The following ZNF695 variants were observed in gnomAD, a reference collection of about 807,000 sequenced individuals.
ZNF695 encodes the protein zinc finger protein 695, also known as zinc finger protein SBZF3.
In ZNF695, 11 loss-of-function variants were observed where a neutral mutation model predicts 11.2. The ratio of observed to expected loss-of-function variants is 0.98; its 90% CI spans 0.62 to 1.62. The LOEUF (loss-of-function observed/expected upper bound fraction) is 1.62, where lower values mean the gene tolerates loss of function less well. Ranked by LOEUF, ZNF695 falls within the 40% of genes most tolerant of loss-of-function variation. ZNF695 has a pLI of 0.00. For missense variants in ZNF695, 559 were observed against 590.5 expected (o/e 0.95, Z 0.55); for synonymous variants, 190 against 201.4 (o/e 0.94, Z 0.48).
intron 4 of ZNF695, among the ~76,000 whole-genome samples, chr1:246,975,719 A>G (rs1174198943): frequency 6.6e-6 from 1 of 152,206 alleles, no homozygotes; most frequent in Non-Finnish European, 1.5e-5. Flanking sequence ...CATTGACAGT[A>G]AGGAGTAAGC....
In ZNF695 at chr1:246,999,405, G is replaced by T; in HGVS notation, c.202C>A (p.Leu68Met). 6.2e-7 allele frequency: 1 copy of T among 1,614,010 alleles called. No homozygotes were observed. The change falls in exon 3 of 4, where the codon CTG (leucine) becomes ATG (methionine). Residue 68 changes from leucine (L) to methionine (M), a missense_variant. Transcript: ENST00000339986. ...AMSKPELIIC[L>M]EARKEPWNVN... ...TTCCAGGGCTCTTTCCTTGCCTCCA[G>T]ACAGATGATCAGTTCTGGCTTAGAC...
chr1:246,989,957 C>T (rs866117471), intron 3 of ZNF695, among the ~76,000 whole-genome samples: 36 of 151,922 alleles, frequency 2.4e-4, no homozygotes, highest in African/African-American at 8.0e-4. Flanking sequence ...GCCAAGATTG[C>T]ACCACTGCAC....
At chr1:247,004,908 T>C (rs1426711392) in intron 1 of ZNF695, among the ~76,000 whole-genome samples, 1 of 152,078 alleles carries the variant, frequency 6.6e-6, no homozygotes, top group African/African-American at 2.4e-5. Flanking sequence ...CTATAAACCA[T>C]TGATGAAAGA....
intron 1 of ZNF695, 145 bp downstream of exon 1, chr1:247,007,761 G>T: frequency 1.1e-6 from 1 of 914,072 alleles, no homozygotes; most frequent in Non-Finnish European, 1.5e-6. Flanking sequence ...GGGACTGAGG[G>T]CCGAGCTGCG....
chr1:246,989,445 G>A (rs1022102995), intron 3 of ZNF695, among the ~76,000 whole-genome samples: 9 of 152,012 alleles, frequency 5.9e-5, no homozygotes, highest in African/African-American at 2.2e-4. Context: ...TTCTTATCAC[G>A]TTAAAATACA....
chr1:247,007,494 CAAAAA>C (rs34758795), intron 1 of ZNF695, among the ~76,000 whole-genome samples: 2 of 79,466 alleles, frequency 2.5e-5, no homozygotes, highest in Non-Finnish European at 4.7e-5. Context: ...GACTCCGTCT[CAAAAA>C]AAAAAAAAAA....
At chr1:246,974,153 CAAACAAACAAA>C (rs1668498176) in intron 4 of ZNF695, among the ~76,000 whole-genome samples, 2 of 143,458 alleles carry the variant, frequency 1.4e-5, no homozygotes, top group African/African-American at 5.4e-5. Flanking sequence ...AAAAAACAAA[CAAACAAACAAA>C]AAAAAACAAA....
intron 5 of ZNF695, among the ~76,000 whole-genome samples, chr1:246,964,727 C>T (rs1668243787): frequency 6.6e-6 from 1 of 152,036 alleles, no homozygotes; most frequent in South Asian, 2.1e-4. Context: ...AAAAATTATC[C>T]GGGCATGGTG....
intron 3 of ZNF695, among the ~76,000 whole-genome samples, chr1:246,997,511 A>G (rs1482292191): frequency 2.0e-5 from 3 of 152,094 alleles, no homozygotes. Flanking sequence ...TCAAGAAAAA[A>G]AAAAAAGAAA....
At chr1:246,965,949 A>T (rs1035762270) in intron 5 of ZNF695, among the ~76,000 whole-genome samples, 2 of 150,692 alleles carry the variant, frequency 1.3e-5, no homozygotes, top group African/African-American at 4.8e-5. Flanking sequence ...ATATATATAT[A>T]TTTTATATAT....
intron 1 of ZNF695, 72 bp downstream of exon 1, chr1:247,007,834 G>C (rs1669586514): frequency 6.8e-7 from 1 of 1,467,274 alleles, no homozygotes; most frequent in Admixed American, 2.1e-5. Flanking sequence ...CGCCAGCGCT[G>C]GTTCCAGCCA....
At chr1:246,960,423 T>C (rs1251176628) in intron 5 of ZNF695, among the ~76,000 whole-genome samples, 1 of 152,210 alleles carries the variant, frequency 6.6e-6, no homozygotes, top group Non-Finnish European at 1.5e-5. Context: ...TCCAATGCTG[T>C]TTGTCATATA....
downstream of ZNF695, among the ~76,000 whole-genome samples, chr1:246,983,411 C>T (rs1668764837): frequency 6.6e-6 from 1 of 152,036 alleles, no homozygotes; most frequent in Non-Finnish European, 1.5e-5. Context: ...CTCCTAGCTA[C>T]CCAGGGAGCT....
rs74463453 is a variant in ZNF695, at chr1:246,960,154, G to A, written c.488+7541C>T. Among the ~76,000 whole-genome samples the A allele has an allele frequency of 3.7e-3, 561 of 152,166 alleles. 3 individuals are homozygous for A. Among genetic ancestry groups the A allele is most frequent in the Middle Eastern group, 6.8e-3 (2 of 294 alleles). On this transcript the variant is annotated intron_variant, in intron 5 of 5. Transcript: ENST00000487338. ...TCTCAGATTTCACACATTTTGCCAC[G>A]TCATTATTTAAGGAAACTTTCTCAT...
intron 5 of ZNF695, among the ~76,000 whole-genome samples, chr1:246,953,580 T>C (rs1273895411): frequency 1.3e-5 from 2 of 149,246 alleles, no homozygotes; most frequent in African/African-American, 2.5e-5. Flanking sequence ...CACTGCACTC[T>C]AGCTCTGGGT....
chr1:246,997,618 A>G (rs1389163362), intron 3 of ZNF695, among the ~76,000 whole-genome samples: 3 of 152,204 alleles, frequency 2.0e-5, no homozygotes, highest in African/African-American at 2.4e-5. Flanking sequence ...CTGCATCCCC[A>G]TGTTCATTAC....
At chr1:246,955,505 G>A (rs936729811) in intron 5 of ZNF695, among the ~76,000 whole-genome samples, 3 of 152,092 alleles carry the variant, frequency 2.0e-5, no homozygotes, top group Non-Finnish European at 4.4e-5. Flanking sequence ...AAGCTCTCCC[G>A]CAGTGTTCTC....
rs139701919 is a variant in ZNF695 at position 246,975,575 on chromosome 1, A to G, written c.391-7783T>C. Among the ~76,000 whole-genome samples the G allele has an allele frequency of 7.2e-3, 1,095 of 152,366 alleles. 9 individuals are homozygous for G. Among genetic ancestry groups the G allele is most frequent in the South Asian group, 0.035 (168 of 4,826 alleles). On this transcript the variant is annotated intron_variant, in intron 4 of 5. Transcript: ENST00000487338. ...ATAATACAGTGCTTCGAACTTAAGT[A>G]AAATGAAACAAGAACAGTTTTACTA...
rs367765413 is a variant in ZNF695, at chr1:246,978,207, T to G, written c.390+9918A>C. 1.1e-4 allele frequency among the ~76,000 whole-genome samples: 16 copies of G among 152,320 alleles called. 1 individual carries two copies. The South Asian group carries it at 3.1e-3, about 30-fold the overall frequency. On this transcript the variant is annotated intron_variant, in intron 4 of 5. Transcript: ENST00000487338. ...CATTGTGCACTGGAACAGGGTGTTA[T>G]GAAAAAACCCTCAAATTCAGAATAC...
Sources: gnomAD v4.1 joint callset for allele counts (sites outside exome capture counted in the v4.1 genomes callset) on GRCh38, gnomAD v4.1.1 for gene constraint, MANE v1.5 for transcripts, NCBI Gene and HGNC (gene_info 2026-07-23, HGNC 2026-07-21) for gene names.